Variants in GABRB3 observed in about 807,000 individuals in gnomAD.
GABRB3 encodes gamma-aminobutyric acid receptor subunit beta-3.
In GABRB3, 14 loss-of-function variants were observed where a neutral mutation model predicts 52.1. That is an observed-to-expected ratio of 0.27 (90% CI 0.18 to 0.42). The LOEUF (loss-of-function observed/expected upper bound fraction) is 0.42. Among genes scored for constraint, GABRB3 ranks in the 10% least tolerant of loss-of-function variants. The pLI is 1.00. For missense variants in GABRB3, 307 were observed against 609.1 expected, an observed-to-expected ratio of 0.50 and a Z score of 5.22; for synonymous variants, 260 against 232.3, an observed-to-expected ratio of 1.12 and a Z score of -1.08.
chr15:26,608,252 T>C (rs1333097554), intron 4 of GABRB3, among the ~76,000 whole-genome samples: 2 of 152,094 alleles, frequency 1.3e-5, no homozygotes, highest in African/African-American at 2.4e-5. Context: ...AAACTAAATA[T>C]CCATATTCAG....
intron 3 of GABRB3, among the ~76,000 whole-genome samples, chr15:26,718,851 C>CA (rs5811443): frequency 0.046 from 6,960 of 152,308 alleles, 203 homozygotes; most frequent in Non-Finnish European, 0.067. Context: ...CTCTTGGGCT[C>CA]AGCTCGCAAG....
intron 3 of GABRB3, among the ~76,000 whole-genome samples, chr15:26,724,204 C>A (rs945273434): frequency 6.6e-6 from 1 of 152,176 alleles, no homozygotes; most frequent in Admixed American, 6.5e-5. Flanking sequence ...CTTCTTTTCT[C>A]CTCCATGTCA....
At chr15:26,629,142 G>C (rs1318762129) in intron 3 of GABRB3, 51 of 1,517,740 alleles carry the variant, frequency 3.4e-5, no homozygotes, top group Non-Finnish European at 7.1e-6. Flanking sequence ...AGCTCGGGGA[G>C]GCGCAGGGGC....
intron 4 of GABRB3, among the ~76,000 whole-genome samples, chr15:26,595,426 G>A (rs1566764901): frequency 6.6e-6 from 1 of 152,098 alleles, no homozygotes; most frequent in Admixed American, 6.5e-5. Context: ...GGGGGAAATG[G>A]CAAGTGAAAA....
At chr15:26,746,590 T>G (rs1342851176) in intron 3 of GABRB3, among the ~76,000 whole-genome samples, 4 of 151,874 alleles carry the variant, frequency 2.6e-5, no homozygotes, top group Non-Finnish European at 2.9e-5. Context: ...TTGTTTTTTT[T>G]TTTTTTTGGA....
At chr15:26,634,050 G>A (rs111493494) in intron 3 of GABRB3, among the ~76,000 whole-genome samples, 1 of 152,178 alleles carries the variant, frequency 6.6e-6, no homozygotes, top group African/African-American at 2.4e-5. Context: ...TCCTTTAGTT[G>A]TAAGTTGGTG....
chr15:26,729,969 A>G (rs368648214), intron 3 of GABRB3, among the ~76,000 whole-genome samples: 1 of 152,248 alleles, frequency 6.6e-6, no homozygotes, highest in Non-Finnish European at 1.5e-5. Context: ...AGTTAGGTGC[A>G]TAAGAGATAT....
intron 4 of GABRB3, among the ~76,000 whole-genome samples, chr15:26,620,899 A>C (rs1732295077): frequency 6.6e-6 from 1 of 152,224 alleles, no homozygotes; most frequent in Non-Finnish European, 1.5e-5. Context: ...AGCTCCGTAG[A>C]GAGTAAACCC....
At chr15:26,575,770 CTCA>C (rs1943905865) in intron 6 of GABRB3, among the ~76,000 whole-genome samples, 1 of 152,174 alleles carries the variant, frequency 6.6e-6, no homozygotes, top group Non-Finnish European at 1.5e-5. Flanking sequence ...ACTGAAATGT[CTCA>C]TCATTATTCA....
At chr15:26,633,902 G>A (rs1037118768) in intron 3 of GABRB3, among the ~76,000 whole-genome samples, 6 of 152,204 alleles carry the variant, frequency 3.9e-5, no homozygotes, top group Non-Finnish European at 5.9e-5. Flanking sequence ...AGCGTTAGCC[G>A]TCTCTTGGCC....
chr15:26,592,155 C>CA (rs1891232234), intron 4 of GABRB3, among the ~76,000 whole-genome samples: 1 of 152,172 alleles, frequency 6.6e-6, no homozygotes, highest in Non-Finnish European at 1.5e-5. Flanking sequence ...AAATGTCACT[C>CA]AAGACTCTAC....
intron 3 of GABRB3, among the ~76,000 whole-genome samples, chr15:26,623,814 C>A (rs1184307632): frequency 6.6e-6 from 1 of 152,110 alleles, no homozygotes; most frequent in East Asian, 1.9e-4. Context: ...CCAGCAACCA[C>A]AATAAAGGCA....
intron 3 of GABRB3, among the ~76,000 whole-genome samples, chr15:26,690,220 G>A (rs1193271340): frequency 1.3e-5 from 2 of 151,224 alleles, no homozygotes; most frequent in Middle Eastern, 3.2e-3. Context: ...TGGGAATACA[G>A]GTGCATGGCA....
chr15:26,710,482 G>A (rs1457547236), intron 3 of GABRB3, among the ~76,000 whole-genome samples: 2 of 152,154 alleles, frequency 1.3e-5, no homozygotes, highest in Admixed American at 6.5e-5. Context: ...GGCTGGTCTC[G>A]AACTCCTAAC....
Position 26,555,496 on chromosome 15 carries a change from G to A in GABRB3, c.1080+5436C>T, listed in dbSNP as rs116083629. Among the ~76,000 whole-genome samples, 1,399 of 152,300 alleles carry A rather than the reference G, an allele frequency of 9.2e-3. 14 individuals carry two copies. Among genetic ancestry groups the A allele is most frequent in the African/African-American group, 0.031 (1,279 of 41,564 alleles). ...GTGTTTGGGAGACGACCTCACGAAC[G>A]TGGGTCTCTAAGGCTGTGCCCTTGA... is the stretch of plus-strand genomic sequence containing the variant. On this transcript the variant is annotated intron_variant, in intron 8 of 8. Coordinates refer to ENST00000311550, the MANE Select transcript of GABRB3 (RefSeq NM_000814.6).
intron 5 of GABRB3, chr15:26,581,012 C>T (rs72702135): frequency 0.15 from 38,741 of 256,290 alleles, 3,655 homozygotes; most frequent in Non-Finnish European, 0.19. Flanking sequence ...CTTAGAAATG[C>T]CTGTTCTTGG....
intron 3 of GABRB3, among the ~76,000 whole-genome samples, chr15:26,751,671 C>A (rs1469471825): frequency 6.6e-6 from 1 of 151,844 alleles, no homozygotes; most frequent in Non-Finnish European, 1.5e-5. Flanking sequence ...TGGGGGACCC[C>A]TCATAAGGGG....
At chr15:26,747,434 A>T (rs2140167469) in intron 3 of GABRB3, among the ~76,000 whole-genome samples, 1 of 152,252 alleles carries the variant, frequency 6.6e-6, no homozygotes, top group African/African-American at 2.4e-5. Flanking sequence ...CAGTTTCTAC[A>T]CTTGTTTTAT....
intron 3 of GABRB3, among the ~76,000 whole-genome samples, chr15:26,702,829 T>C (rs570738522): frequency 1.3e-5 from 2 of 152,356 alleles, no homozygotes; most frequent in East Asian, 3.9e-4. Flanking sequence ...TTTAGGCAGT[T>C]ACAACGAAAT....
Sources: gnomAD v4.1 joint callset for allele counts (sites outside exome capture counted in the v4.1 genomes callset) on GRCh38, gnomAD v4.1.1 for gene constraint, MANE v1.5 for transcripts, NCBI Gene and HGNC (gene_info 2026-07-23, HGNC 2026-07-21) for gene names.